TLE7: variants seen among roughly 807,000 people sequenced by gnomAD.
TLE7 encodes the protein TLE family member 7, also known as transducin-like enhancer protein 7.
At chr16:71,439,639 G>A (rs928718958) in intron 1 of TLE7, among the ~76,000 whole-genome samples, 4 of 152,174 alleles carry the variant, frequency 2.6e-5, no homozygotes, top group East Asian at 1.9e-4. Context: ...CAGTCATCCG[G>A]GAAATGGAAA....
chr16:71,431,479 A>C lies in TLE7; in HGVS notation c.935T>G (p.Leu312Arg), dbSNP rs1443324328. The change falls in exon 7 of 10, where the codon CTG becomes CGG. Residue 312 changes from leucine (L) to arginine (R), a missense_variant. Physicochemically the swap from Leu to Arg is moderately radical, Grantham distance 102. Coordinates refer to ENST00000561754, the MANE Select transcript of TLE7 (RefSeq NM_001367365.2). This position sits in a 1 kb window ranked among gnomAD's most constrained non-coding sequence, Gnocchi z 4.5. ...GTAGCTCCTCAGGTCCCAGGAATAC[A>C]GGATGGTGTCTTCACCTCCTGTCCA... ...IFWTGGEDTI[L>R]YSWDLRSYQR... 1 of 400,694 alleles carries C rather than the reference A, an allele frequency of 2.5e-6. No homozygotes were observed. Among genetic ancestry groups the C allele is most frequent in the African/African-American group, 2.1e-5 (1 of 48,696 alleles). 24.8% of individuals were successfully genotyped at this position (400,694 alleles called of 1,614,324 possible).
chr16:71,430,036 A>C lies in TLE7; in HGVS notation c.*226T>G, dbSNP rs1052705366. ...CAAAGGGATCTCAAGTTTCCTGCCA[A>C]AACCCAGAAATCAGTGGTAGGAAGA... On this transcript the variant is annotated 3_prime_UTR_variant, in exon 10 of 10. Transcript: ENST00000561754. Among the ~76,000 whole-genome samples, 1 of 152,190 alleles carries C rather than the reference A, an allele frequency of 6.6e-6. No individual in the cohort carries two copies. Among genetic ancestry groups the C allele is most frequent in the African/African-American group, 2.4e-5 (1 of 41,444 alleles).
chr16:71,436,693 T>G (rs1253364793), intron 1 of TLE7, among the ~76,000 whole-genome samples: 1 of 152,214 alleles, frequency 6.6e-6, no homozygotes, highest in African/African-American at 2.4e-5. Context: ...GATCTTGGCC[T>G]GAAGCCAACA....
At chr16:71,436,884 C>G (rs552591007) in intron 1 of TLE7, among the ~76,000 whole-genome samples, 2 of 152,188 alleles carry the variant, frequency 1.3e-5, no homozygotes, top group Non-Finnish European at 2.9e-5. Flanking sequence ...CACATCAAAT[C>G]CCCTGGAGGC....
At chr16:71,440,829 C>T (rs1235579489) in intron 1 of TLE7, among the ~76,000 whole-genome samples, 2 of 152,200 alleles carry the variant, frequency 1.3e-5, no homozygotes, top group Non-Finnish European at 2.9e-5. Context: ...TGAGGGCTGA[C>T]GCGCCCTCTG....
At chr16:71,439,440 G>A (rs1295109393) in intron 1 of TLE7, among the ~76,000 whole-genome samples, 1 of 152,128 alleles carries the variant, frequency 6.6e-6, no homozygotes, top group African/African-American at 2.4e-5. Flanking sequence ...GAGGCAGGGA[G>A]GGCAGGAATG....
chr16:71,438,647 A>G (rs1466776553), intron 1 of TLE7, among the ~76,000 whole-genome samples: 5 of 134,940 alleles, frequency 3.7e-5, no homozygotes, highest in Admixed American at 2.4e-4. Context: ...GCACCACTGC[A>G]CTCCAGCCTG....
chr16:71,438,438 A>G (rs566316594), intron 1 of TLE7, among the ~76,000 whole-genome samples: 5,884 of 147,170 alleles, frequency 0.04, 432 homozygotes, highest in African/African-American at 0.14. Flanking sequence ...AAAAAAAAAA[A>G]AAAGAGAGAG....
In TLE7 at chr16:71,431,900, T is replaced by C; in HGVS notation, c.712A>G (p.Thr238Ala). ...QAVTLWDLAPTPQVRAQLTST... is the reference protein window; with the variant it reads ...QAVTLWDLAPAPQVRAQLTST... ...GTCAGCTGTGCCCTGACCTGGGGGG[T>C]GGGTGCCAAGTCCCAGAGAGTCACG... The change falls in exon 6 of 10, where the codon ACC becomes GCC. Residue 238 changes from threonine (T) to alanine (A), a missense_variant. Coordinates refer to ENST00000561754, the MANE Select transcript of TLE7 (RefSeq NM_001367365.2). This position sits in a 1 kb window ranked among gnomAD's most constrained non-coding sequence, Gnocchi z 4.5. 1 of 399,952 alleles carries C rather than the reference T, an allele frequency of 2.5e-6. No individual in the cohort carries two copies. Among genetic ancestry groups the C allele is most frequent in the Non-Finnish European group, 4.4e-6 (1 of 226,104 alleles). The allele number at this position is 399,952 out of a possible 1,614,324, so 24.8% of individuals were successfully genotyped here. A position where few individuals can be genotyped will look rare whatever the true frequency, so the allele number is the denominator to read the frequency against.
chr16:71,441,672 C>T (rs1245506533), intron 1 of TLE7, among the ~76,000 whole-genome samples: 3 of 152,220 alleles, frequency 2.0e-5, no homozygotes, highest in African/African-American at 7.2e-5. Context: ...CTCCTCGTGG[C>T]TTCTCCGCCC....
intron 1 of TLE7, among the ~76,000 whole-genome samples, chr16:71,437,350 GAA>G (rs57942255): frequency 0.16 from 14,183 of 89,354 alleles, 521 homozygotes; most frequent in Non-Finnish European, 0.19. Context: ...CTCTGTCTCA[GAA>G]AAAAAAAAAA....
Position 71,432,251 on chromosome 16 carries a change from G to C in TLE7, c.468C>G (p.Phe156Leu). The change falls in exon 5 of 10, where the codon TTC becomes TTG. Residue 156 changes from phenylalanine to leucine, a missense_variant. Physicochemically the swap from Phe to Leu is conservative, Grantham distance 22 (BLOSUM62 0). Transcript: ENST00000561754. ...PQGSWKVGTL[F>L]HGKRVYAVAI... ...CCACAGCGTAGACTCTCTTTCCATG[G>C]AAGAGTGTGCCAACCTTCCAGGAGC... is the stretch of plus-strand genomic sequence containing the variant. The C allele has an allele frequency of 2.5e-6, 1 of 400,840 alleles. No homozygotes were observed. Among genetic ancestry groups the C allele is most frequent in the Non-Finnish European group, 4.4e-6 (1 of 226,270 alleles). The allele number at this position is 400,840 out of a possible 1,614,324, so 24.8% of individuals were successfully genotyped here.
chr16:71,436,014 G>A (rs1339169025), intron 1 of TLE7, among the ~76,000 whole-genome samples: 1 of 152,176 alleles, frequency 6.6e-6, no homozygotes, highest in African/African-American at 2.4e-5. Flanking sequence ...GCAGGAGGAA[G>A]AGTCAGTATC....
intron 1 of TLE7, among the ~76,000 whole-genome samples, chr16:71,441,669 T>C (rs2042849004): frequency 6.6e-6 from 1 of 152,180 alleles, no homozygotes; most frequent in African/African-American, 2.4e-5. Context: ...GGACTCCTCG[T>C]GGCTTCTCCG....
chr16:71,440,051 C>T (rs2042841139), intron 1 of TLE7, among the ~76,000 whole-genome samples: 1 of 152,200 alleles, frequency 6.6e-6, no homozygotes, highest in Non-Finnish European at 1.5e-5. Context: ...TACACACTAC[C>T]ACATGGGTGA....
chr16:71,432,969 G>T lies in TLE7; in HGVS notation c.311+45C>A, dbSNP rs1335931706. 1.5e-5 allele frequency: 6 copies of T among 399,046 alleles called. No homozygotes were observed. In the Admixed American group the frequency reaches 1.8e-4, roughly 12 times the overall value. The allele number at this position is 399,046 out of a possible 1,614,324, so 24.7% of individuals were successfully genotyped here. A position where few individuals can be genotyped will look rare whatever the true frequency, so the allele number is the denominator to read the frequency against. On this transcript the variant is annotated intron_variant, in intron 2 of 9. Coordinates refer to ENST00000561754, the MANE Select transcript of TLE7 (RefSeq NM_001367365.2). Reference sequence around the variant, plus strand: ...TTCCTGCTGGGATGCCCTCTCCCCAGTCCAGTTTGCCACCCCCACTGAGTC... The same window carrying T: ...TTCCTGCTGGGATGCCCTCTCCCCATTCCAGTTTGCCACCCCCACTGAGTC...
chr16:71,432,574 A>G (rs2042810372), intron 4 of TLE7, 91 bp downstream of exon 4: 1 of 398,574 alleles, frequency 2.5e-6, no homozygotes, highest in Non-Finnish European at 4.4e-6. Flanking sequence ...CCCCCTACCT[A>G]TGGGAGAGAG....
rs1203882563 is a variant in TLE7, at chr16:71,431,415, G to A, written c.993+6C>T. ...GGCATTCTGCCAGTGGTGGCCAGCC[G>A]GGCACCTCATTCTGTAAGTTGTGTT... On this transcript the variant is annotated splice_donor_region_variant and intron_variant, in intron 7 of 9. Coordinates refer to ENST00000561754, the MANE Select transcript of TLE7 (RefSeq NM_001367365.2). The surrounding 1 kb of genome is among the most constrained non-coding windows in gnomAD (Gnocchi z 4.5). 7 of 400,606 alleles carry A rather than the reference G, an allele frequency of 1.7e-5. No individual in the cohort carries two copies. Among genetic ancestry groups the A allele is most frequent in the East Asian group, 1.1e-4 (3 of 28,062 alleles). The allele number at this position is 400,606 out of a possible 1,614,324, so 24.8% of individuals were successfully genotyped here. A position where few individuals can be genotyped will look rare whatever the true frequency, so the allele number is the denominator to read the frequency against.
At chr16:71,430,991 G>C (rs2042800141) in intron 8 of TLE7, 130 bp downstream of exon 8, 1 of 399,456 alleles carries the variant, frequency 2.5e-6, no homozygotes, top group Non-Finnish European at 4.4e-6. Context: ...GAGTCTTCAG[G>C]CTGTCATTCT....
Sources: allele counts gnomAD v4.1 joint callset (sites outside exome capture counted in the v4.1 genomes callset), GRCh38; gene constraint gnomAD v4.1.1; non-coding constraint Gnocchi (gnomAD v3.1); transcripts MANE v1.5; gene names NCBI Gene and HGNC (gene_info 2026-07-23, HGNC 2026-07-21).